Variants in ZNF804B observed in about 807,000 individuals in gnomAD.
ZNF804B encodes the protein zinc finger protein 804B.
A neutral mutation model predicts 101.4 loss-of-function variants in ZNF804B; 80 were observed. That is an observed-to-expected ratio of 0.79 (90% CI 0.66 to 0.95). ZNF804B has a LOEUF of 0.95. Among genes scored for constraint, ZNF804B ranks in the 40% least tolerant of loss-of-function variants. ZNF804B has a pLI of 0.00. For missense variants in ZNF804B, 1,673 were observed against 1,561.9 expected, an observed-to-expected ratio of 1.07 and a Z score of -1.20; for synonymous variants, 622 against 558.8, an observed-to-expected ratio of 1.11 and a Z score of -1.59.
At position 88,983,639 on chromosome 7, in the gene ZNF804B, A is replaced by AT. The variant is rs541208782; in HGVS notation, c.108+223561dup. Reference sequence around the variant, plus strand: ...GACAAGGCAGCATATCACATTTATGATTTTTTATTGATTATATGCTGAAAG... The same window carrying AT: ...GACAAGGCAGCATATCACATTTATGATTTTTTTATTGATTATATGCTGAAAG... On this transcript the variant is annotated intron_variant, in intron 1 of 3. Coordinates refer to ENST00000333190, the MANE Select transcript of ZNF804B (RefSeq NM_181646.5). 3.1e-3 allele frequency among the ~76,000 whole-genome samples: 472 copies of AT among 152,172 alleles called. 4 individuals carry two copies. Among genetic ancestry groups the AT allele is most frequent in the Non-Finnish European group, 4.2e-3 (288 of 67,980 alleles).
chr7:89,176,591 C>CT (rs35866405), intron 1 of ZNF804B, among the ~76,000 whole-genome samples: 4,559 of 71,956 alleles, frequency 0.063, 334 homozygotes, highest in East Asian at 0.2. Context: ...TTCTTTCTTT[C>CT]TTTTTTTTTT....
intron 1 of ZNF804B, among the ~76,000 whole-genome samples, chr7:89,136,450 C>G (rs796313292): frequency 2.0e-5 from 3 of 152,162 alleles, no homozygotes; most frequent in African/African-American, 7.2e-5. Flanking sequence ...GCATTTATCA[C>G]TACTCTCTAT....
At chr7:89,248,783 T>A (rs1251726828) in intron 2 of ZNF804B, among the ~76,000 whole-genome samples, 1 of 152,056 alleles carries the variant, frequency 6.6e-6, no homozygotes, top group Non-Finnish European at 1.5e-5. Context: ...ACCTCACGTA[T>A]CAATATTAAT....
chr7:88,984,037 G>A (rs1271883290), intron 1 of ZNF804B, among the ~76,000 whole-genome samples: 1 of 152,042 alleles, frequency 6.6e-6, no homozygotes, highest in African/African-American at 2.4e-5. Flanking sequence ...TTCTCCAAAT[G>A]AGAAACCTAA....
At chr7:89,235,467 C>T (rs1789266346) in intron 2 of ZNF804B, among the ~76,000 whole-genome samples, 1 of 152,128 alleles carries the variant, frequency 6.6e-6, no homozygotes, top group Non-Finnish European at 1.5e-5. Context: ...ATCTGAGTTA[C>T]CCTCCACTTA....
At chr7:89,090,825 A>G (rs574891738) in intron 1 of ZNF804B, among the ~76,000 whole-genome samples, 2 of 152,094 alleles carry the variant, frequency 1.3e-5, no homozygotes, top group Non-Finnish European at 2.9e-5. Context: ...TGCAAGTAAA[A>G]ATATACATAT....
intron 1 of ZNF804B, among the ~76,000 whole-genome samples, chr7:88,804,905 G>A (rs2115720305): frequency 6.6e-6 from 1 of 152,178 alleles, no homozygotes; most frequent in East Asian, 1.9e-4. Context: ...AAAAGAGATA[G>A]ATATTACTGA....
chr7:88,760,886 T>TATATATATATAATAA (rs71846087), intron 1 of ZNF804B, among the ~76,000 whole-genome samples: 103 of 122,554 alleles, frequency 8.4e-4, no homozygotes, highest in African/African-American at 3.9e-3. Context: ...GTGTAATTTA[T>TATATATATATAATAA]ATATATATAT....
chr7:89,095,507 C>T (rs1368415958), intron 1 of ZNF804B, among the ~76,000 whole-genome samples: 3 of 152,082 alleles, frequency 2.0e-5, no homozygotes, highest in South Asian at 2.1e-4. Flanking sequence ...ACATCTGAAC[C>T]TTGTCTGGCA....
chr7:89,136,759 G>C (rs1005239829), intron 1 of ZNF804B, among the ~76,000 whole-genome samples: 29 of 148,928 alleles, frequency 1.9e-4, no homozygotes, highest in Non-Finnish European at 3.1e-4. Flanking sequence ...GTGTGTGTGT[G>C]TGTGTGCGCG....
intron 1 of ZNF804B, among the ~76,000 whole-genome samples, chr7:89,189,589 T>C (rs1356210357): frequency 6.6e-6 from 1 of 152,174 alleles, no homozygotes; most frequent in Admixed American, 6.5e-5. Flanking sequence ...TGATTATCTA[T>C]ACATTGTGAA....
intron 2 of ZNF804B, among the ~76,000 whole-genome samples, chr7:89,255,920 C>T (rs1376514611): frequency 1.3e-5 from 2 of 151,864 alleles, no homozygotes; most frequent in Non-Finnish European, 2.9e-5. Context: ...ATAAATTGCT[C>T]ATAATTTTTT....
chr7:89,177,096 T>A (rs1310817852), intron 1 of ZNF804B, among the ~76,000 whole-genome samples: 1 of 152,140 alleles, frequency 6.6e-6, no homozygotes, highest in Non-Finnish European at 1.5e-5. Context: ...ATTTCATTGA[T>A]ATTTTGTATT....
intron 1 of ZNF804B, among the ~76,000 whole-genome samples, chr7:89,081,661 A>G (rs1253445685): frequency 6.6e-6 from 1 of 151,708 alleles, no homozygotes; most frequent in East Asian, 1.9e-4. Flanking sequence ...ATAATCTCTA[A>G]CATAGACATC....
At chr7:89,264,353 C>T (rs112703581) in intron 2 of ZNF804B, among the ~76,000 whole-genome samples, 8 of 152,178 alleles carry the variant, frequency 5.3e-5, no homozygotes, top group South Asian at 2.1e-4. Context: ...CAGCACACAC[C>T]GTCCTGTCTG....
At chr7:88,776,409 A>G (rs1262208317) in intron 1 of ZNF804B, among the ~76,000 whole-genome samples, 1 of 152,150 alleles carries the variant, frequency 6.6e-6, no homozygotes, top group Non-Finnish European at 1.5e-5. Context: ...AGTTAGCATC[A>G]TGTTGAGCAC....
intron 1 of ZNF804B, 113 bp from the exon 2 acceptor site, chr7:89,218,042 A>G: frequency 1.9e-6 from 2 of 1,080,806 alleles, no homozygotes; most frequent in Non-Finnish European, 2.6e-6. Flanking sequence ...AATTCCCAGA[A>G]AACAATGTGC....
intron 1 of ZNF804B, among the ~76,000 whole-genome samples, chr7:89,028,793 G>C (rs777457319): frequency 3.9e-5 from 6 of 152,152 alleles, no homozygotes; most frequent in Admixed American, 1.3e-4. Flanking sequence ...CTATTTCATA[G>C]GGTTGTTTTG....
rs187581017 is a variant in ZNF804B at position 88,772,178 on chromosome 7, G to A, written c.108+12094G>A. On this transcript the variant is annotated intron_variant, in intron 1 of 3. Coordinates refer to ENST00000333190, the MANE Select transcript of ZNF804B (RefSeq NM_181646.5). ...AGTATTCATGTGCTACATACTATAC[G>A]TTTAGGAAGTGTGTATAATATCCCT... 3.5e-4 allele frequency among the ~76,000 whole-genome samples: 53 copies of A among 152,222 alleles called. 1 individual carries two copies. The highest frequency in any genetic ancestry group is 3.4e-3 in the Middle Eastern group (1 of 294).
Sources: gnomAD v4.1 joint callset for allele counts (sites outside exome capture counted in the v4.1 genomes callset) on GRCh38, gnomAD v4.1.1 for gene constraint, MANE v1.5 for transcripts, NCBI Gene and HGNC (gene_info 2026-07-23, HGNC 2026-07-21) for gene names.